ATP2B1: variants seen among roughly 807,000 people sequenced by gnomAD.
The protein encoded by ATP2B1 is ATPase plasma membrane Ca2+ transporting 1, also known as plasma membrane calcium-transporting ATPase 1.
In ATP2B1, 14 loss-of-function variants were observed where a neutral mutation model predicts 124.2. The ratio of observed to expected loss-of-function variants is 0.11; its 90% CI spans 0.07 to 0.18. The LOEUF is 0.18. Ranked by LOEUF, ATP2B1 falls within the 10% of genes least tolerant of loss-of-function variation. The pLI is 1.00. For missense variants in ATP2B1, 763 were observed against 1,466.1 expected (o/e 0.52, Z 7.83); for synonymous variants, 449 against 492.4 (o/e 0.91, Z 1.17).
intron 1 of ATP2B1, among the ~76,000 whole-genome samples, chr12:89,664,246 C>T: frequency 6.6e-6 from 1 of 152,202 alleles, no homozygotes; most frequent in East Asian, 1.9e-4. Context: ...GGTGACTCAC[C>T]TCCCTCCCTG....
chr12:89,592,440 A>C lies in ATP2B1; in HGVS notation c.3352-1145T>G, dbSNP rs186466281. On this transcript the variant is annotated intron_variant, in intron 20 of 20. Transcript: ENST00000428670. ...CAATAATGAATAATACATTTCTTCA[A>C]ATGAACATGTGAATGTGTTTAAAAA... is the stretch of plus-strand genomic sequence containing the variant. 9.9e-5 allele frequency among the ~76,000 whole-genome samples: 15 copies of C among 152,184 alleles called. No individual in the cohort carries two copies. The East Asian group carries it at 2.7e-3, about 27-fold the overall frequency.
chr12:89,598,580 A>C, intron 20 of ATP2B1: 1 of 1,611,370 alleles, frequency 6.2e-7, no homozygotes, highest in Non-Finnish European at 8.5e-7. Flanking sequence ...ACTTAGGAAC[A>C]CACACTCACA....
chr12:89,691,264 A>G (rs1181106728), intron 1 of ATP2B1, among the ~76,000 whole-genome samples: 2 of 152,146 alleles, frequency 1.3e-5, no homozygotes, highest in Admixed American at 6.6e-5. Flanking sequence ...TTCTGATACA[A>G]TCAGTCCTCT....
chr12:89,699,053 C>T, intron 1 of ATP2B1, among the ~76,000 whole-genome samples: 1 of 152,150 alleles, frequency 6.6e-6, no homozygotes. Context: ...AAATTTCAAC[C>T]AGTTCTCCCG....
chr12:89,679,523 C>T (rs551665911), intron 1 of ATP2B1, among the ~76,000 whole-genome samples: 1 of 152,240 alleles, frequency 6.6e-6, no homozygotes, highest in South Asian at 2.1e-4. Flanking sequence ...TCTCTTTTCC[C>T]CCAAAAAGCA....
chr12:89,658,059 G>A (rs775875297), intron 1 of ATP2B1, among the ~76,000 whole-genome samples: 2 of 152,172 alleles, frequency 1.3e-5, no homozygotes, highest in Non-Finnish European at 2.9e-5. Flanking sequence ...AAAAACTGGA[G>A]AGGGTGGTTA....
At chr12:89,652,306 A>G (rs1229159529) in intron 2 of ATP2B1, among the ~76,000 whole-genome samples, 1 of 27,304 alleles carries the variant, frequency 3.7e-5, no homozygotes, top group Non-Finnish European at 7.7e-5. Context: ...TTAATTATAC[A>G]CCAACAACTG....
chr12:89,595,811 T>A (rs1280125969), intron 20 of ATP2B1, among the ~76,000 whole-genome samples: 1 of 152,056 alleles, frequency 6.6e-6, no homozygotes, highest in Non-Finnish European at 1.5e-5. Flanking sequence ...CGAGATATGA[T>A]TTACTCCCTG....
intron 2 of ATP2B1, among the ~76,000 whole-genome samples, chr12:89,649,843 T>TC (rs1349237173): frequency 2.0e-5 from 3 of 152,188 alleles, no homozygotes; most frequent in Non-Finnish European, 4.4e-5. Flanking sequence ...TTTAGCACCA[T>TC]CCCCTTGGTG....
chr12:89,667,539 C>A (rs887071576), intron 1 of ATP2B1, among the ~76,000 whole-genome samples: 25 of 152,164 alleles, frequency 1.6e-4, no homozygotes, highest in Admixed American at 3.9e-4. Context: ...ACTTCAAATG[C>A]AGTCACCAAT....
chr12:89,640,215 C>A (rs991218473), intron 3 of ATP2B1, among the ~76,000 whole-genome samples: 3 of 152,140 alleles, frequency 2.0e-5, no homozygotes, highest in Non-Finnish European at 4.4e-5. Flanking sequence ...TGTCTTCCCC[C>A]ACCCCCATTA....
At chr12:89,690,541 C>T (rs1456837305) in intron 1 of ATP2B1, among the ~76,000 whole-genome samples, 9 of 151,670 alleles carry the variant, frequency 5.9e-5, no homozygotes, top group Non-Finnish European at 7.4e-5. Flanking sequence ...AAAGAACTTG[C>T]TCATTCTTGT....
intron 12 of ATP2B1, among the ~76,000 whole-genome samples, chr12:89,614,666 T>C (rs1157682081): frequency 1.3e-5 from 2 of 152,206 alleles, no homozygotes; most frequent in Non-Finnish European, 2.9e-5. Flanking sequence ...TAAATATCTT[T>C]AGTTTCATCA....
rs573927723 is a variant in ATP2B1, at chr12:89,608,651, A to G, written c.2442+1286T>C. Among the ~76,000 whole-genome samples the G allele has an allele frequency of 2.9e-3, 444 of 152,318 alleles. 1 individual carries two copies. The highest frequency in any genetic ancestry group is 9.9e-3 in the African/African-American group (412 of 41,576). On this transcript the variant is annotated intron_variant, in intron 15 of 20. Transcript: ENST00000428670. ...TTAAAGCCCATTGTATCTGTCTTACATTCAAGTTTTGGGAAGAAAGCTTTT... is the reference window on the plus strand; with the variant it reads ...TTAAAGCCCATTGTATCTGTCTTACGTTCAAGTTTTGGGAAGAAAGCTTTT...
rs116855014 is a variant in ATP2B1, at chr12:89,639,223, G to C, written c.406+2935C>G. Among the ~76,000 whole-genome samples the C allele has an allele frequency of 1.6e-3, 251 of 152,244 alleles. 4 individuals carry two copies. The East Asian group carries it at 0.035, about 21-fold the overall frequency. On this transcript the variant is annotated intron_variant, in intron 3 of 20. Transcript: ENST00000428670. ...TAATAATGATTTTAAAAAATGCAAG[G>C]CTGGGCACGGTGGCTCATGCCTGTA...
At chr12:89,604,040 T>A in intron 16 of ATP2B1, 115 bp from the exon 17 acceptor site, 1 of 1,397,902 alleles carries the variant, frequency 7.2e-7, no homozygotes, top group Non-Finnish European at 9.7e-7. Context: ...TATTTTTATA[T>A]TAACTAACCT....
intron 1 of ATP2B1, among the ~76,000 whole-genome samples, chr12:89,677,013 A>ACACCAC (rs909097265): frequency 1.4e-5 from 2 of 146,498 alleles, no homozygotes; most frequent in African/African-American, 5.0e-5. Context: ...TCAAAAATAA[A>ACACCAC]CACCACCACC....
At chr12:89,641,567 A>G (rs1157429820) in intron 3 of ATP2B1, among the ~76,000 whole-genome samples, 1 of 152,194 alleles carries the variant, frequency 6.6e-6, no homozygotes, top group Admixed American at 6.5e-5. Context: ...GTAAGTACTT[A>G]TGTGTGGAAT....
intron 2 of ATP2B1, among the ~76,000 whole-genome samples, chr12:89,648,081 C>T (rs762916734): frequency 6.6e-6 from 1 of 152,126 alleles, no homozygotes; most frequent in Non-Finnish European, 1.5e-5. Context: ...TTCTTTATAA[C>T]AACACAAAAA....
Sources: allele counts gnomAD v4.1 joint callset (sites outside exome capture counted in the v4.1 genomes callset), GRCh38; gene constraint gnomAD v4.1.1; transcripts MANE v1.5; gene names NCBI Gene and HGNC (gene_info 2026-07-23, HGNC 2026-07-21).